The following SYT16 variants were observed in gnomAD, a reference collection of about 807,000 sequenced individuals.
The protein encoded by SYT16 is synaptotagmin 16, also known as synaptotagmin-16.
SYT16 carries 42 observed loss-of-function variants against 61.4 expected under a neutral mutation model. The observed-to-expected ratio is 0.68, with a 90% CI of 0.53 to 0.89. The LOEUF is 0.89. SYT16 is among the 40% of genes least tolerant of loss of function. The probability of loss-of-function intolerance (pLI) is 0.00; values close to 1 mark genes in which losing one functional copy is unlikely to be tolerated. For missense variants in SYT16, 804 were observed against 807.3 expected, an observed-to-expected ratio of 1.00 and a Z score of 0.05; for synonymous variants, 314 against 302.3, an observed-to-expected ratio of 1.04 and a Z score of -0.40.
chr14:62,023,531 C>CTTTGGCTGA (rs911598464), intron 3 of SYT16, among the ~76,000 whole-genome samples: 2 of 152,138 alleles, frequency 1.3e-5, no homozygotes, highest in Non-Finnish European at 2.9e-5. Context: ...GTCCCAGCTG[C>CTTTGGCTGA]TTTGGCTGAT....
At chr14:62,028,295 A>G (rs1194283761) in intron 3 of SYT16, among the ~76,000 whole-genome samples, 1 of 152,220 alleles carries the variant, frequency 6.6e-6, no homozygotes, top group Non-Finnish European at 1.5e-5. Flanking sequence ...GATTATAATC[A>G]CTATCGCTTC....
chr14:61,833,138 G>A (rs895285076), intron 1 of SYT16, among the ~76,000 whole-genome samples: 1 of 152,070 alleles, frequency 6.6e-6, no homozygotes, highest in Non-Finnish European at 1.5e-5. Context: ...TGTGTTTACT[G>A]TATCCCTAGG....
chr14:61,846,571 T>C (rs1328319053), intron 1 of SYT16, among the ~76,000 whole-genome samples: 1 of 152,184 alleles, frequency 6.6e-6, no homozygotes, highest in Non-Finnish European at 1.5e-5. Flanking sequence ...ATAGTGTTTC[T>C]TGTAGGCAAC....
chr14:61,821,391 A>G (rs1224486780), intron 1 of SYT16, among the ~76,000 whole-genome samples: 1 of 152,202 alleles, frequency 6.6e-6, no homozygotes, highest in East Asian at 1.9e-4. Context: ...AGTGGCTTAA[A>G]AAAACACTTA....
intron 3 of SYT16, among the ~76,000 whole-genome samples, chr14:62,004,378 C>T (rs2053141528): frequency 2.0e-5 from 3 of 152,202 alleles, no homozygotes; most frequent in Admixed American, 6.5e-5. Flanking sequence ...GATCCAATCA[C>T]CTCCCACCTT....
At chr14:62,004,906 T>C (rs1017753269) in intron 3 of SYT16, among the ~76,000 whole-genome samples, 1 of 152,194 alleles carries the variant, frequency 6.6e-6, no homozygotes, top group Non-Finnish European at 1.5e-5. Context: ...CTTGGGTCTC[T>C]ACTAGACCTC....
intron 3 of SYT16, among the ~76,000 whole-genome samples, chr14:62,016,994 G>C (rs1286019029): frequency 6.6e-6 from 1 of 152,110 alleles, no homozygotes; most frequent in Admixed American, 6.5e-5. Context: ...TTAGTGGGAA[G>C]GTTAGTTAAA....
At chr14:61,878,300 C>T (rs1290895007) in intron 1 of SYT16, among the ~76,000 whole-genome samples, 1 of 152,188 alleles carries the variant, frequency 6.6e-6, no homozygotes, top group Non-Finnish European at 1.5e-5. Context: ...GCAGTTATTT[C>T]TTGCCTCCTT....
intron 3 of SYT16, among the ~76,000 whole-genome samples, chr14:62,002,849 G>C (rs762556713): frequency 6.6e-6 from 1 of 152,100 alleles, no homozygotes; most frequent in Non-Finnish European, 1.5e-5. Flanking sequence ...TAGTTCCACA[G>C]GGCTGGAGAG....
chr14:61,955,502 A>G (rs536023602), intron 1 of SYT16, among the ~76,000 whole-genome samples: 1 of 152,116 alleles, frequency 6.6e-6, no homozygotes, highest in African/African-American at 2.4e-5. Context: ...GTGTTTGACT[A>G]TTATAAATCT....
At chr14:62,033,828 A>T (rs920366097) in intron 3 of SYT16, among the ~76,000 whole-genome samples, 4 of 152,146 alleles carry the variant, frequency 2.6e-5, no homozygotes, top group Admixed American at 6.6e-5. Context: ...CACTAAAAGC[A>T]CAAGTGACAA....
At chr14:62,005,951 A>G (rs1020586535) in intron 3 of SYT16, among the ~76,000 whole-genome samples, 3 of 152,106 alleles carry the variant, frequency 2.0e-5, no homozygotes, top group African/African-American at 7.2e-5. Flanking sequence ...CCTCAGCCCA[A>G]TTCACTCACA....
chr14:61,843,229 C>T (rs2046350694), intron 1 of SYT16, among the ~76,000 whole-genome samples: 1 of 152,136 alleles, frequency 6.6e-6, no homozygotes, highest in Admixed American at 6.5e-5. Flanking sequence ...CACATCCTTG[C>T]CAGCATTTAT....
chr14:62,033,625 G>A (rs1207620619), intron 3 of SYT16, among the ~76,000 whole-genome samples: 1 of 152,084 alleles, frequency 6.6e-6, no homozygotes, highest in African/African-American at 2.4e-5. Flanking sequence ...GAAATGGAAA[G>A]ACATGAGAGC....
intron 3 of SYT16, among the ~76,000 whole-genome samples, chr14:62,045,705 TG>T (rs1459143339): frequency 6.6e-5 from 10 of 152,120 alleles, no homozygotes; most frequent in African/African-American, 9.7e-5. Context: ...ATGCGGTGTT[TG>T]GTTTTTTGTC....
chr14:62,005,700 G>A (rs906198615), intron 3 of SYT16, among the ~76,000 whole-genome samples: 6 of 152,134 alleles, frequency 3.9e-5, no homozygotes, highest in Admixed American at 1.3e-4. Context: ...TCTATAAAGA[G>A]AGGTGTTATA....
chr14:62,086,513 C>CAAACA (rs1555384385), intron 7 of SYT16, among the ~76,000 whole-genome samples: 3 of 151,660 alleles, frequency 2.0e-5, no homozygotes, highest in African/African-American at 4.8e-5. Flanking sequence ...AACAAACAAA[C>CAAACA]AAAAAATTGT....
chr14:61,951,561 A>G (rs536902539), intron 1 of SYT16, among the ~76,000 whole-genome samples: 4 of 152,314 alleles, frequency 2.6e-5, no homozygotes, highest in African/African-American at 9.6e-5. Context: ...GGAGAGTTGA[A>G]GAAAGTCGGA....
intron 1 of SYT16, among the ~76,000 whole-genome samples, chr14:61,933,014 T>C (rs1252166112): frequency 6.6e-6 from 1 of 152,272 alleles, no homozygotes; most frequent in Non-Finnish European, 1.5e-5. Context: ...ATCAGGTGTA[T>C]TGTTAGCTAC....
Sources: gnomAD v4.1 joint callset for allele counts (sites outside exome capture counted in the v4.1 genomes callset) on GRCh38, gnomAD v4.1.1 for gene constraint, MANE v1.5 for transcripts, NCBI Gene and HGNC (gene_info 2026-07-23, HGNC 2026-07-21) for gene names.